Variants in NPEPL1 observed in about 807,000 individuals in gnomAD.
NPEPL1 encodes the protein probable aminopeptidase NPEPL1.
In NPEPL1, 45 loss-of-function variants were observed where a neutral mutation model predicts 52.4. That is an observed-to-expected ratio of 0.86 (90% CI 0.68 to 1.10). The LOEUF is 1.10. Ranked by LOEUF, NPEPL1 falls within the 50% of genes least tolerant of loss-of-function variation. The probability of loss-of-function intolerance (pLI) is 0.00; values close to 1 mark genes in which losing one functional copy is unlikely to be tolerated. For missense variants in NPEPL1, 696 were observed against 710.9 expected, an observed-to-expected ratio of 0.98 and a Z score of 0.24; for synonymous variants, 360 against 314.7, an observed-to-expected ratio of 1.14 and a Z score of -1.52.
At position 58,692,853 on chromosome 20, in the gene NPEPL1, G is replaced by GCGGGCCGGGC. The variant is rs1164201254; in HGVS notation, c.-37_-28dup. 4.9e-5 allele frequency: 48 copies of GCGGGCCGGGC among 987,810 alleles called. No individual in the cohort carries two copies. The highest frequency in any genetic ancestry group is 1.6e-4 in the African/African-American group (9 of 56,726). 61.2% of individuals were successfully genotyped at this position (987,810 alleles called of 1,614,324 possible). On this transcript the variant is annotated 5_prime_UTR_variant, in exon 1 of 12. Coordinates refer to ENST00000356091, the MANE Select transcript of NPEPL1 (RefSeq NM_024663.4). This position sits in a 1 kb window ranked among gnomAD's most constrained non-coding sequence, Gnocchi z 5.7. Reference sequence around the variant, plus strand: ...GGAGCGGGGCGAAGGGGGCCGAGCGGCGGGCCGGGCCGGGCCGGGCAGGGC... The same window carrying GCGGGCCGGGC: ...GGAGCGGGGCGAAGGGGGCCGAGCGGCGGGCCGGGCCGGGCCGGGCCGGGCCGGGCAGGGC...
At chr20:58,714,345 G>A in intron 10 of NPEPL1, 1 of 604,810 alleles carries the variant, frequency 1.7e-6, no homozygotes, top group African/African-American at 1.9e-5. Context: ...TGCCCCATCA[G>A]GCCCTTTGCT....
At chr20:58,695,304 T>TGGTGTGTGCACG (rs1568848094) in intron 3 of NPEPL1, among the ~76,000 whole-genome samples, 6 of 151,360 alleles carry the variant, frequency 4.0e-5, no homozygotes, top group Admixed American at 1.3e-4. Context: ...GTATGAGTGC[T>TGGTGTGTGCACG]AGTGTGTGCA....
At chr20:58,710,332 CTGTT>C (rs1388236004) in intron 7 of NPEPL1, among the ~76,000 whole-genome samples, 1 of 152,172 alleles carries the variant, frequency 6.6e-6, no homozygotes, top group African/African-American at 2.4e-5. Flanking sequence ...CTGCTCCTGG[CTGTT>C]TGTGACTATT....
At chr20:58,703,537 T>C in intron 6 of NPEPL1, 1 of 984,512 alleles carries the variant, frequency 1.0e-6, no homozygotes, top group Non-Finnish European at 1.2e-6. Context: ...TCGTGGACCC[T>C]CTTCTCCTTG....
intron 7 of NPEPL1, among the ~76,000 whole-genome samples, chr20:58,708,504 G>A (rs1378113470): frequency 3.3e-5 from 5 of 152,220 alleles, no homozygotes; most frequent in Admixed American, 6.5e-5. Context: ...GGGGCTGTAC[G>A]CAGCCTGCAA....
At chr20:58,695,286 CTGTG>C (rs1189291090) in intron 3 of NPEPL1, among the ~76,000 whole-genome samples, 8 of 90,678 alleles carry the variant, frequency 8.8e-5, no homozygotes, top group African/African-American at 2.0e-4. Flanking sequence ...GTGTGTGTTG[CTGTG>C]TGTGTATGAG....
intron 2 of NPEPL1, 27 bp downstream of exon 2, chr20:58,693,949 C>G (rs751182596): frequency 6.5e-7 from 1 of 1,532,654 alleles, no homozygotes; most frequent in South Asian, 1.2e-5. Context: ...GAGGCAGCCA[C>G]GGTGCTCCTA....
At chr20:58,699,125 G>A in intron 4 of NPEPL1, 72 bp from the exon 5 acceptor site, 1 of 1,414,784 alleles carries the variant, frequency 7.1e-7, no homozygotes, top group Non-Finnish European at 9.8e-7. Context: ...CCTGGCCCCA[G>A]CCTCGGCCTC....
upstream of NPEPL1, among the ~76,000 whole-genome samples, chr20:58,689,708 A>C (rs1313585494): frequency 6.6e-6 from 1 of 152,144 alleles, no homozygotes. Flanking sequence ...ATCGTAGTCC[A>C]AGGGGCCTTC....
At chr20:58,694,310 C>A in intron 2 of NPEPL1, 112 bp from the exon 3 acceptor site, 2 of 1,117,250 alleles carry the variant, frequency 1.8e-6, no homozygotes, top group Non-Finnish European at 2.5e-6. Context: ...ACATCTCTGT[C>A]TAGATGTCAC....
At position 58,707,110 on chromosome 20, in the gene NPEPL1, G is replaced by C; in HGVS notation, c.823-13G>C. ...AGCTCACCTTTGTCCTGGTCCCTTTGTACCACCCGCAGACTACCATGCCGG... is the reference window on the plus strand; with the variant it reads ...AGCTCACCTTTGTCCTGGTCCCTTTCTACCACCCGCAGACTACCATGCCGG... On this transcript the variant is annotated splice_polypyrimidine_tract_variant and intron_variant, in intron 6 of 11. Transcript: ENST00000356091. The C allele has an allele frequency of 3.2e-6, 5 of 1,550,728 alleles. No individual in the cohort carries two copies. The highest frequency in any genetic ancestry group is 4.4e-6 in the Non-Finnish European group (5 of 1,146,958).
At chr20:58,700,315 G>A (rs1303800295) in intron 5 of NPEPL1, among the ~76,000 whole-genome samples, 1 of 152,208 alleles carries the variant, frequency 6.6e-6, no homozygotes, top group Non-Finnish European at 1.5e-5. Context: ...ACCCAGACGT[G>A]GGGGCCACAG....
chr20:58,706,829 C>T (rs2084742290), intron 6 of NPEPL1, among the ~76,000 whole-genome samples: 2 of 152,208 alleles, frequency 1.3e-5, no homozygotes, highest in South Asian at 2.1e-4. Flanking sequence ...GGCATCTCCT[C>T]GGGTTCCCCC....
intron 3 of NPEPL1, among the ~76,000 whole-genome samples, chr20:58,695,811 C>T (rs1489842799): frequency 2.6e-5 from 4 of 152,116 alleles, no homozygotes; most frequent in African/African-American, 7.2e-5. Flanking sequence ...TCCTCTTTTC[C>T]CTCTTAACCC....
chr20:58,714,473 G>A (rs1601141503), intron 10 of NPEPL1, 87 bp from the exon 11 acceptor site: 3 of 979,906 alleles, frequency 3.1e-6, no homozygotes, highest in South Asian at 1.7e-5. Flanking sequence ...GCTCCTTGCA[G>A]ACAGCAATAG....
chr20:58,712,715 T>C, intron 8 of NPEPL1, 136 bp downstream of exon 8: 2 of 725,690 alleles, frequency 2.8e-6, no homozygotes, highest in Non-Finnish European at 4.9e-6. Context: ...GCTCCTTGCT[T>C]CCCGGAGGGC....
upstream of NPEPL1, chr20:58,692,068 C>T (rs1331225845): frequency 1.1e-5 from 6 of 569,918 alleles, no homozygotes; most frequent in Admixed American, 3.1e-5. This position sits in a 1 kb window ranked among gnomAD's most constrained non-coding sequence, Gnocchi z 5.7. Flanking sequence ...TCATCTCGTC[C>T]CTCCTTTCCT....
chr20:58,698,897 C>A (rs910453281), intron 4 of NPEPL1, 124 bp downstream of exon 4: 2 of 814,360 alleles, frequency 2.5e-6, no homozygotes, highest in Non-Finnish European at 3.9e-6. Context: ...TCAGGGCTGC[C>A]CTCGGCGGAG....
At chr20:58,714,973 G>A in intron 11 of NPEPL1, 195 bp from the exon 12 acceptor site, 2 of 669,772 alleles carry the variant, frequency 3.0e-6, no homozygotes, top group Admixed American at 3.0e-5. Flanking sequence ...CCCTGCCTAC[G>A]CCTGGCCTGC....
Sources: gnomAD v4.1 joint callset for allele counts (sites outside exome capture counted in the v4.1 genomes callset) on GRCh38, gnomAD v4.1.1 for gene constraint, Gnocchi (gnomAD v3.1) non-coding constraint, MANE v1.5 for transcripts, NCBI Gene and HGNC (gene_info 2026-07-23, HGNC 2026-07-21) for gene names.